RNF216: variants seen among roughly 807,000 people sequenced by gnomAD.
RNF216 encodes E3 ubiquitin-protein ligase RNF216.
RNF216 carries 72 observed loss-of-function variants against 110.8 expected under a neutral mutation model. That is an observed-to-expected ratio of 0.65 (90% CI 0.54 to 0.79). The LOEUF (loss-of-function observed/expected upper bound fraction) is 0.79. Among genes scored for constraint, RNF216 ranks in the 30% least tolerant of loss-of-function variants. The probability of loss-of-function intolerance (pLI) is 0.00; values close to 1 mark genes in which losing one functional copy is unlikely to be tolerated. For missense variants in RNF216, 1,342 were observed against 1,141.2 expected (o/e 1.18, Z -2.54); for synonymous variants, 495 against 407.5 (o/e 1.21, Z -2.59).
chr7:5,755,383 C>G, intron 2 of RNF216, among the ~76,000 whole-genome samples: 1 of 152,116 alleles, frequency 6.6e-6, no homozygotes. Flanking sequence ...AAGAATAACA[C>G]AGCATGGTCT....
intron 13 of RNF216, among the ~76,000 whole-genome samples, chr7:5,693,184 C>T (rs967413192): frequency 6.6e-6 from 1 of 152,232 alleles, no homozygotes; most frequent in African/African-American, 2.4e-5. Context: ...TATAATTATA[C>T]TGGGACACAG....
chr7:5,717,805 CAG>C (rs1793158090), intron 9 of RNF216, among the ~76,000 whole-genome samples: 4 of 152,078 alleles, frequency 2.6e-5, no homozygotes. Context: ...ATTTATGAGA[CAG>C]AGTCTCACTT....
intron 15 of RNF216, among the ~76,000 whole-genome samples, chr7:5,640,673 T>TGTTAATATTAAATATTATG (rs1246690828): frequency 6.6e-6 from 1 of 152,130 alleles, no homozygotes; most frequent in Admixed American, 6.5e-5. Flanking sequence ...TTAATAGAAT[T>TGTTAATATTAAATATTATG]GTTAATATTA....
chr7:5,748,676 C>A (rs532530090), intron 3 of RNF216, among the ~76,000 whole-genome samples: 1 of 149,734 alleles, frequency 6.7e-6, no homozygotes, highest in Non-Finnish European at 1.5e-5. Context: ...CTAACTAAAG[C>A]ATGTTAACCA....
intron 13 of RNF216, among the ~76,000 whole-genome samples, chr7:5,676,039 G>C (rs1790268813): frequency 6.7e-6 from 1 of 150,136 alleles, no homozygotes; most frequent in Admixed American, 6.6e-5. Flanking sequence ...TTTTGAGACA[G>C]AGTCTTGCTC....
intron 13 of RNF216, among the ~76,000 whole-genome samples, chr7:5,660,517 C>A (rs1167239555): frequency 6.6e-6 from 1 of 151,770 alleles, no homozygotes; most frequent in Non-Finnish European, 1.5e-5. Context: ...GTCTCCATCT[C>A]TTGACCTGGT....
chr7:5,718,018 G>A (rs998851702), intron 9 of RNF216, among the ~76,000 whole-genome samples: 1 of 152,032 alleles, frequency 6.6e-6, no homozygotes, highest in Non-Finnish European at 1.5e-5. Context: ...ATAAAAATAC[G>A]TATACTTATT....
intron 13 of RNF216, among the ~76,000 whole-genome samples, chr7:5,710,366 T>TAAAAAAA (rs537822157): frequency 4.6e-5 from 6 of 130,138 alleles, no homozygotes; most frequent in Non-Finnish European, 6.7e-5. Flanking sequence ...CCTCAAAACT[T>TAAAAAAA]AAAAACAAAA....
chr7:5,737,961 G>C (rs370535577), intron 5 of RNF216, among the ~76,000 whole-genome samples: 30 of 151,814 alleles, frequency 2.0e-4, no homozygotes, highest in African/African-American at 7.0e-4. Flanking sequence ...GGTGGAGTAC[G>C]CCTGTAATGC....
Position 5,734,825 on chromosome 7 carries a change from A to AAAAAAAATAAAT in RNF216, c.1122-4009_1122-4008insATTTATTTTTTT, listed in dbSNP as rs1554260334. On this transcript the variant is annotated intron_variant, in intron 5 of 16. Transcript: ENST00000389902. The stretch of plus-strand genomic sequence containing the variant: ...GGCGACAAGGGCAAAACTCTCTCTC[A>AAAAAAAATAAAT]AAATAAATAAATAAATAAATAAATA... Among the ~76,000 whole-genome samples the AAAAAAAATAAAT allele has an allele frequency of 5.1e-5, 6 of 118,142 alleles. No homozygotes were observed. In the East Asian group the frequency reaches 1.7e-3, roughly 34 times the overall value. The allele number at this position is 118,142 out of a possible 152,430, so 77.5% of individuals were successfully genotyped here. A position where few individuals can be genotyped will look rare whatever the true frequency, so the allele number is the denominator to read the frequency against.
intron 13 of RNF216, among the ~76,000 whole-genome samples, chr7:5,705,347 G>A (rs1429969832): frequency 6.6e-6 from 1 of 152,122 alleles, no homozygotes; most frequent in Non-Finnish European, 1.5e-5. Flanking sequence ...CTACATAGTG[G>A]TCCAAACCAG....
chr7:5,662,602 T>C (rs1419474967), intron 13 of RNF216: 1 of 152,512 alleles, frequency 6.6e-6, no homozygotes, highest in Non-Finnish European at 1.5e-5. Flanking sequence ...TTCCCACCCT[T>C]GCCCCTTCCA....
chr7:5,677,718 T>C (rs1331288700), intron 13 of RNF216, among the ~76,000 whole-genome samples: 2 of 152,236 alleles, frequency 1.3e-5, no homozygotes, highest in African/African-American at 4.8e-5. Context: ...CATTCTCCAC[T>C]TCCTGTGCAG....
intron 5 of RNF216, among the ~76,000 whole-genome samples, chr7:5,736,177 G>A (rs1329230878): frequency 6.6e-5 from 10 of 152,172 alleles, no homozygotes; most frequent in Non-Finnish European, 1.5e-4. Flanking sequence ...AGCCGAAGCT[G>A]GACTGTACTG....
intron 5 of RNF216, among the ~76,000 whole-genome samples, chr7:5,734,084 T>C (rs2128646201): frequency 6.6e-6 from 1 of 152,232 alleles, no homozygotes; most frequent in South Asian, 2.1e-4. Context: ...AACAAACAAT[T>C]CTGCTGGAAG....
intron 1 of RNF216, among the ~76,000 whole-genome samples, chr7:5,768,932 A>T (rs1426976167): frequency 6.6e-6 from 1 of 152,060 alleles, no homozygotes; most frequent in East Asian, 1.9e-4. Flanking sequence ...AAGTGCTGGG[A>T]TTACAGGCAT....
intron 5 of RNF216, among the ~76,000 whole-genome samples, chr7:5,736,441 C>G (rs6463509): frequency 0.98 from 148,981 of 152,300 alleles, 72,881 homozygotes; most frequent in Middle Eastern, 0.99. Context: ...GCCCAGGCTG[C>G]AGTGCAGTGG....
chr7:5,737,160 C>A (rs1026160007), intron 5 of RNF216, among the ~76,000 whole-genome samples: 1 of 152,202 alleles, frequency 6.6e-6, no homozygotes, highest in Non-Finnish European at 1.5e-5. Context: ...TAGGAGACTC[C>A]ATTTTGTTCT....
chr7:5,640,911 G>A, intron 15 of RNF216, among the ~76,000 whole-genome samples: 1 of 152,222 alleles, frequency 6.6e-6, no homozygotes, highest in Non-Finnish European at 1.5e-5. Flanking sequence ...AGAGGGCACA[G>A]AGTTTTATTT....
Sources: gnomAD v4.1 joint callset for allele counts (sites outside exome capture counted in the v4.1 genomes callset) on GRCh38, gnomAD v4.1.1 for gene constraint, MANE v1.5 for transcripts, NCBI Gene and HGNC (gene_info 2026-07-23, HGNC 2026-07-21) for gene names.